Variants in TMEM178B observed in about 807,000 individuals in gnomAD.
TMEM178B encodes the protein transmembrane protein 178B.
TMEM178B carries 5 observed loss-of-function variants against 31.0 expected under a neutral mutation model. That is an observed-to-expected ratio of 0.16 (90% CI 0.08 to 0.34). TMEM178B has a LOEUF of 0.34. Among genes scored for constraint, TMEM178B ranks in the 10% least tolerant of loss-of-function variants. The pLI is 1.00. For synonymous variants in TMEM178B, 164 were observed against 164.0 expected (o/e 1.00, Z 0.00); for missense variants, 275 against 400.3 (o/e 0.69, Z 2.67).
chr7:141,441,253 C>G (rs1472560577), intron 3 of TMEM178B, among the ~76,000 whole-genome samples: 1 of 152,178 alleles, frequency 6.6e-6, no homozygotes, highest in Admixed American at 6.5e-5. Flanking sequence ...CCTCTAGAAC[C>G]CTGTATGTCA....
intron 2 of TMEM178B, chr7:141,415,951 A>G (rs1801088234): frequency 6.6e-6 from 1 of 152,670 alleles, no homozygotes; most frequent in Admixed American, 6.5e-5. Context: ...ATATATATGA[A>G]TGAAGCTAAA....
chr7:141,310,499 G>A (rs1798889972), intron 2 of TMEM178B, among the ~76,000 whole-genome samples: 1 of 152,138 alleles, frequency 6.6e-6, no homozygotes, highest in South Asian at 2.1e-4. Context: ...ATGGTGGTTT[G>A]CTGCACCTAT....
At chr7:141,098,955 C>T (rs961926144) in intron 1 of TMEM178B, among the ~76,000 whole-genome samples, 1 of 152,052 alleles carries the variant, frequency 6.6e-6, no homozygotes, top group African/African-American at 2.4e-5. Flanking sequence ...TTGTTATTTA[C>T]AAAAACCAAA....
intron 2 of TMEM178B, among the ~76,000 whole-genome samples, chr7:141,256,633 A>G (rs750169370): frequency 2.0e-5 from 3 of 152,174 alleles, no homozygotes; most frequent in Non-Finnish European, 4.4e-5. Flanking sequence ...AACTGACATA[A>G]TAAGATATAT....
At chr7:141,302,074 G>A (rs1424242572) in intron 2 of TMEM178B, among the ~76,000 whole-genome samples, 1 of 152,198 alleles carries the variant, frequency 6.6e-6, no homozygotes, top group East Asian at 1.9e-4. Flanking sequence ...ATGGCTGATG[G>A]TGATGGCAAA....
intron 1 of TMEM178B, among the ~76,000 whole-genome samples, chr7:141,108,585 T>A (rs1795183224): frequency 6.6e-6 from 1 of 152,038 alleles, no homozygotes. Flanking sequence ...GGGGAGCAGG[T>A]GATGGAGGGG....
intron 2 of TMEM178B, among the ~76,000 whole-genome samples, chr7:141,384,372 A>G (rs1302415872): frequency 2.6e-5 from 4 of 152,174 alleles, no homozygotes; most frequent in Non-Finnish European, 5.9e-5. Flanking sequence ...TAAGTCTTTA[A>G]TCCATCTTGA....
intron 2 of TMEM178B, chr7:141,431,037 T>A (rs1035811967): frequency 4.6e-5 from 7 of 152,334 alleles, no homozygotes; most frequent in African/African-American, 1.4e-4. Context: ...TCTGCTGGCC[T>A]CCAGCTGCAG....
At chr7:141,205,440 GT>G (rs1796947062) in intron 1 of TMEM178B, among the ~76,000 whole-genome samples, 1 of 152,172 alleles carries the variant, frequency 6.6e-6, no homozygotes, top group African/African-American at 2.4e-5. Flanking sequence ...GTTGTGAGTA[GT>G]TTAGGGCCTT....
chr7:141,132,040 C>T (rs1586787141), intron 1 of TMEM178B, among the ~76,000 whole-genome samples: 1 of 152,150 alleles, frequency 6.6e-6, no homozygotes, highest in East Asian at 1.9e-4. Context: ...TATATAATTT[C>T]ACTCCTCTTT....
chr7:141,338,424 G>A (rs1586900780), intron 2 of TMEM178B, among the ~76,000 whole-genome samples: 3 of 152,092 alleles, frequency 2.0e-5, no homozygotes, highest in African/African-American at 7.2e-5. Flanking sequence ...TCGAGCTGGA[G>A]GGCACTCTTA....
chr7:141,289,219 C>T (rs967582648), intron 2 of TMEM178B, among the ~76,000 whole-genome samples: 4 of 152,216 alleles, frequency 2.6e-5, no homozygotes, highest in African/African-American at 9.7e-5. Flanking sequence ...AGAGCACCAG[C>T]TCCAAATCAC....
Position 141,191,042 on chromosome 7 carries a change from G to GA in TMEM178B, c.383-21543dup, listed in dbSNP as rs766820144. Among the ~76,000 whole-genome samples, 855 of 152,186 alleles carry GA rather than the reference G, an allele frequency of 5.6e-3. 9 individuals carry two copies. The highest frequency in any genetic ancestry group is 0.018 in the African/African-American group (745 of 41,534). On this transcript the variant is annotated intron_variant, in intron 1 of 3. Coordinates refer to ENST00000565468, the MANE Select transcript of TMEM178B (RefSeq NM_001195278.2). ...CATTGTTTCATTATAATACTGATGAGAAAAAATAACTGGTTTCATTATACA... is the reference window on the plus strand; with the variant it reads ...CATTGTTTCATTATAATACTGATGAGAAAAAAATAACTGGTTTCATTATACA...
At chr7:141,497,040 G>A in the TMEM178B span, among the ~76,000 whole-genome samples, 1 of 152,066 alleles carries the variant, frequency 6.6e-6, no homozygotes, top group African/African-American at 2.4e-5. Flanking sequence ...GTGTGGGGCT[G>A]CAGGCTTGAG....
At chr7:141,314,825 T>C (rs1258726946) in intron 2 of TMEM178B, among the ~76,000 whole-genome samples, 1 of 152,188 alleles carries the variant, frequency 6.6e-6, no homozygotes, top group Non-Finnish European at 1.5e-5. Context: ...ATCACCCTAA[T>C]GGCCAAGTCA....
chr7:141,296,313 C>A (rs1798632495), intron 2 of TMEM178B, among the ~76,000 whole-genome samples: 1 of 152,186 alleles, frequency 6.6e-6, no homozygotes, highest in African/African-American at 2.4e-5. Context: ...AGTGATCCAC[C>A]TGCCTCAGCC....
intron 2 of TMEM178B, among the ~76,000 whole-genome samples, chr7:141,217,855 G>A (rs1412413370): frequency 9.2e-5 from 14 of 152,036 alleles, no homozygotes; most frequent in Admixed American, 9.2e-4. Flanking sequence ...CCCTGGCAGC[G>A]AGAATCAGGG....
chr7:141,142,696 C>G (rs1057222700), intron 1 of TMEM178B, among the ~76,000 whole-genome samples: 4 of 152,222 alleles, frequency 2.6e-5, no homozygotes, highest in African/African-American at 9.6e-5. Flanking sequence ...CGTGAGCCAC[C>G]ACCCCCGGCC....
chr7:141,432,954 CAGTCTCT>C (rs1416823323), intron 2 of TMEM178B, among the ~76,000 whole-genome samples: 7 of 152,208 alleles, frequency 4.6e-5, no homozygotes, highest in Non-Finnish European at 1.0e-4. Context: ...AGTCTTCTCC[CAGTCTCT>C]AGGCTGGAGG....
Sources: allele counts gnomAD v4.1 joint callset (sites outside exome capture counted in the v4.1 genomes callset), GRCh38; gene constraint gnomAD v4.1.1; transcripts MANE v1.5; gene names NCBI Gene and HGNC (gene_info 2026-07-23, HGNC 2026-07-21).